NLGN1: variants seen among roughly 807,000 people sequenced by gnomAD.
NLGN1 encodes neuroligin 1, also known as neuroligin-1.
In NLGN1, 12 loss-of-function variants were observed where a neutral mutation model predicts 65.5. The observed-to-expected ratio is 0.18, with a 90% CI of 0.12 to 0.30. The LOEUF (loss-of-function observed/expected upper bound fraction) is 0.30, where lower values mean the gene tolerates loss of function less well. Ranked by LOEUF, NLGN1 falls within the 10% of genes least tolerant of loss-of-function variation. The probability of loss-of-function intolerance (pLI) is 1.00; values close to 1 mark genes in which losing one functional copy is unlikely to be tolerated. For missense variants in NLGN1, 750 were observed against 1,007.1 expected (o/e 0.74, Z 3.46); for synonymous variants, 350 against 359.5 (o/e 0.97, Z 0.30).
intron 2 of NLGN1, among the ~76,000 whole-genome samples, chr3:173,579,294 T>G (rs1244051618): frequency 6.6e-6 from 1 of 152,170 alleles, no homozygotes; most frequent in African/African-American, 2.4e-5. Flanking sequence ...GGCAACATAG[T>G]GAATCCTTGT....
chr3:173,751,264 A>G (rs974279783), intron 3 of NLGN1, among the ~76,000 whole-genome samples: 1 of 152,094 alleles, frequency 6.6e-6, no homozygotes, highest in African/African-American at 2.4e-5. Flanking sequence ...TCCAGTTTCA[A>G]ATATCCTAAG....
the NLGN1 span, among the ~76,000 whole-genome samples, chr3:174,292,552 G>A: frequency 1.3e-5 from 2 of 151,376 alleles, no homozygotes; most frequent in Middle Eastern, 3.4e-3. Context: ...CAGATAATTG[G>A]AATATAATTC....
rs554532944 is a variant in NLGN1 at position 173,448,491 on chromosome 3, T to G, written c.-321+13413T>G. ...GTATTTTATTGAGGATTTTTGCATC[T>G]ATGTTCATCAAGGATATTGGTCTAA... On this transcript the variant is annotated intron_variant, in intron 2 of 6. Coordinates refer to ENST00000457714, the Ensembl canonical transcript of NLGN1. 8.5e-5 allele frequency among the ~76,000 whole-genome samples: 13 copies of G among 152,256 alleles called. No homozygotes were observed. The East Asian group carries it at 2.5e-3, about 29-fold the overall frequency.
intron 3 of NLGN1, among the ~76,000 whole-genome samples, chr3:173,642,973 G>A (rs145561859): frequency 2.0e-5 from 3 of 152,180 alleles, no homozygotes; most frequent in Non-Finnish European, 2.9e-5. Context: ...AATATAAAAT[G>A]TGTATATATA....
Position 174,070,724 on chromosome 3 carries a change from T to C in NLGN1, c.647-204591T>C, listed in dbSNP as rs1739657197. Among the ~76,000 whole-genome samples, 3 of 152,180 alleles carry C rather than the reference T, an allele frequency of 2.0e-5. No individual in the cohort carries two copies. The South Asian group carries it at 6.2e-4, about 32-fold the overall frequency. ...AGAATGTCAGGGTTGGCTAAATATA[T>C]AAACTGATAAATTACTATGAAGTTG... On this transcript the variant is annotated intron_variant, in intron 4 of 6. Coordinates refer to ENST00000457714, the Ensembl canonical transcript of NLGN1.
chr3:173,933,912 T>C (rs1744585652), intron 4 of NLGN1, among the ~76,000 whole-genome samples: 1 of 152,030 alleles, frequency 6.6e-6, no homozygotes, highest in Non-Finnish European at 1.5e-5. Flanking sequence ...TCACAGTCCT[T>C]TGTATTAATA....
At chr3:174,268,129 A>C (rs760550694) in intron 4 of NLGN1, among the ~76,000 whole-genome samples, 3 of 152,190 alleles carry the variant, frequency 2.0e-5, no homozygotes, top group African/African-American at 7.2e-5. Flanking sequence ...GAAGTGCACT[A>C]TGTCTTTAAA....
At chr3:174,159,369 A>G (rs1726073725) in intron 4 of NLGN1, among the ~76,000 whole-genome samples, 1 of 151,738 alleles carries the variant, frequency 6.6e-6, no homozygotes, top group Non-Finnish European at 1.5e-5. Flanking sequence ...TTTGTGGGCA[A>G]TTTTTAATTG....
At chr3:173,546,540 T>G (rs1405032599) in intron 2 of NLGN1, among the ~76,000 whole-genome samples, 1 of 152,202 alleles carries the variant, frequency 6.6e-6, no homozygotes, top group Non-Finnish European at 1.5e-5. Context: ...ATCTGAGGCG[T>G]TCTCATAGGA....
chr3:173,665,857 A>G (rs1483048902), intron 3 of NLGN1, among the ~76,000 whole-genome samples: 2 of 152,198 alleles, frequency 1.3e-5, no homozygotes, highest in Non-Finnish European at 2.9e-5. Context: ...GAAGTTTGTC[A>G]TAATTATTCA....
At chr3:173,908,896 A>G (rs1738995184) in intron 4 of NLGN1, among the ~76,000 whole-genome samples, 1 of 152,168 alleles carries the variant, frequency 6.6e-6, no homozygotes, top group African/African-American at 2.4e-5. Context: ...CAGGCTAAAG[A>G]TGTTTTTAGC....
At chr3:173,556,453 C>A (rs1741718169) in intron 2 of NLGN1, among the ~76,000 whole-genome samples, 1 of 152,014 alleles carries the variant, frequency 6.6e-6, no homozygotes, top group Non-Finnish European at 1.5e-5. Context: ...TTTCCTTCTT[C>A]TTTTTCTAAT....
chr3:173,801,628 G>A (rs1172902937), intron 3 of NLGN1, among the ~76,000 whole-genome samples: 2 of 151,840 alleles, frequency 1.3e-5, no homozygotes, highest in Admixed American at 6.6e-5. Flanking sequence ...ATTATATTTG[G>A]TGTTAATATT....
At chr3:173,845,354 A>G (rs554982552) in intron 4 of NLGN1, among the ~76,000 whole-genome samples, 2 of 152,288 alleles carry the variant, frequency 1.3e-5, no homozygotes, top group Admixed American at 1.3e-4. Context: ...GGAGACAGTA[A>G]GCCAAATGCC....
intron 4 of NLGN1, among the ~76,000 whole-genome samples, chr3:173,965,740 C>T (rs988493849): frequency 6.6e-6 from 1 of 152,052 alleles, no homozygotes; most frequent in Non-Finnish European, 1.5e-5. Context: ...ATTTTTAAGA[C>T]ACCTGTTGAA....
intron 3 of NLGN1, among the ~76,000 whole-genome samples, chr3:173,801,710 A>G (rs148219222): frequency 7.9e-4 from 120 of 152,222 alleles, no homozygotes; most frequent in African/African-American, 2.7e-3. Flanking sequence ...TTTACCACGA[A>G]CACCAGCAGT....
intron 3 of NLGN1, among the ~76,000 whole-genome samples, chr3:173,754,067 A>G (rs1264024001): frequency 7.5e-6 from 1 of 133,654 alleles, no homozygotes; most frequent in African/African-American, 2.8e-5. Flanking sequence ...TTGTTGAGAC[A>G]GGGTCTCACT....
At chr3:173,920,462 C>G (rs1308410227) in intron 4 of NLGN1, 1 of 152,128 alleles carries the variant, frequency 6.6e-6, no homozygotes, top group African/African-American at 2.4e-5. Context: ...AAAGTTTACT[C>G]AAATGTCACA....
intron 2 of NLGN1, among the ~76,000 whole-genome samples, chr3:173,498,087 G>A (rs1435950786): frequency 1.3e-5 from 2 of 151,618 alleles, no homozygotes; most frequent in Non-Finnish European, 2.9e-5. Flanking sequence ...AAGTTTTAGG[G>A]TACATGTGCA....
Sources: allele counts gnomAD v4.1 joint callset (sites outside exome capture counted in the v4.1 genomes callset), GRCh38; gene constraint gnomAD v4.1.1; transcripts MANE v1.5; gene names NCBI Gene and HGNC (gene_info 2026-07-23, HGNC 2026-07-21).